Variants in ATP10B observed in about 807,000 individuals in gnomAD.
The protein encoded by ATP10B is phospholipid-transporting ATPase VB.
ATP10B carries 122 observed loss-of-function variants against 141.2 expected under a neutral mutation model. That is an observed-to-expected ratio of 0.86 (90% CI 0.75 to 1.00). ATP10B has a LOEUF of 1.00. Among genes scored for constraint, ATP10B ranks in the 50% least tolerant of loss-of-function variants. The pLI, the probability that ATP10B is intolerant of heterozygous loss-of-function variation, is 0.00. For synonymous variants in ATP10B, 685 were observed against 692.0 expected (o/e 0.99, Z 0.16); for missense variants, 1,876 against 1,825.3 (o/e 1.03, Z -0.51).
At chr5:160,820,096 T>C (rs1003589494) in intron 1 of ATP10B, among the ~76,000 whole-genome samples, 3 of 149,640 alleles carry the variant, frequency 2.0e-5, no homozygotes, top group South Asian at 2.1e-4. Flanking sequence ...AAAAGTTGAT[T>C]TTTTTTGTAA....
At chr5:160,917,982 T>C in the ATP10B span, among the ~76,000 whole-genome samples, 1 of 152,192 alleles carries the variant, frequency 6.6e-6, no homozygotes, top group Non-Finnish European at 1.5e-5. Context: ...GCTAAAGGGC[T>C]GCTCAAGGTT....
intron 24 of ATP10B, among the ~76,000 whole-genome samples, chr5:160,583,115 T>C (rs1341932100): frequency 1.3e-5 from 2 of 152,200 alleles, no homozygotes; most frequent in Non-Finnish European, 2.9e-5. Context: ...CCAGTTTTGT[T>C]CCCTTGCTGG....
chr5:160,645,205 A>G (rs2127681702), intron 8 of ATP10B, among the ~76,000 whole-genome samples: 1 of 151,798 alleles, frequency 6.6e-6, no homozygotes, highest in Admixed American at 6.6e-5. Context: ...CTGTCACTTT[A>G]AAAAACAAAT....
chr5:160,657,952 C>T (rs1330519226), intron 7 of ATP10B, among the ~76,000 whole-genome samples: 5 of 152,174 alleles, frequency 3.3e-5, no homozygotes, highest in African/African-American at 4.8e-5. Context: ...ATTACACAGA[C>T]AAACTTTTCT....
chr5:160,606,836 G>A lies in ATP10B; in HGVS notation c.3089C>T (p.Ser1030Phe). 6.2e-7 allele frequency: 1 copy of A among 1,614,114 alleles called. No individual in the cohort carries two copies. Among genetic ancestry groups the A allele is most frequent in the Non-Finnish European group, 8.5e-7 (1 of 1,180,004 alleles). ...TATCATACTCTTCTGGAGTGGCGTG[G>A]AGCGGCAGCACAGGACGGACCGACA... ...QYCRSVLCCR[S>F]TPLQKSMIVK... Residue 1030 changes from serine to phenylalanine, a missense_variant, in exon 19 of 26, where the codon TCC (serine) becomes TTC (phenylalanine). Physicochemically the swap from Ser to Phe is radical, Grantham distance 155. Transcript: ENST00000327245.
intron 13 of ATP10B, 114 bp from the exon 14 acceptor site, chr5:160,622,699 C>A: frequency 1.0e-6 from 1 of 1,000,666 alleles, no homozygotes; most frequent in Non-Finnish European, 1.5e-6. Context: ...TTGCATCCAG[C>A]ATGTTTTCCT....
the ATP10B span, among the ~76,000 whole-genome samples, chr5:160,921,205 C>G: frequency 0.017 from 2,551 of 151,770 alleles, 76 homozygotes; most frequent in African/African-American, 0.059. Flanking sequence ...CTTGCATATA[C>G]AACCATAAAT....
intron 1 of ATP10B, among the ~76,000 whole-genome samples, chr5:160,833,274 G>A (rs1044560857): frequency 1.3e-5 from 2 of 152,186 alleles, no homozygotes; most frequent in African/African-American, 4.8e-5. Flanking sequence ...GAATACAGGG[G>A]AATCTTGAAA....
chr5:160,785,818 A>T lies in ATP10B; in HGVS notation c.-575-15T>A. On this transcript the variant is annotated splice_polypyrimidine_tract_variant and intron_variant, in intron 1 of 25. Transcript: ENST00000327245. ...TCAAAGGAAGCCTGCACGACACAGG[A>T]CAGAAAAGAAATACAAAATATACAA... 2.5e-6 allele frequency: 1 copy of T among 405,980 alleles called. No individual in the cohort carries two copies. Among genetic ancestry groups the T allele is most frequent in the Non-Finnish European group, 4.1e-6 (1 of 245,002 alleles). The allele number at this position is 405,980 out of a possible 1,614,324, so 25.1% of individuals were successfully genotyped here.
chr5:160,889,987 C>A, the ATP10B span, among the ~76,000 whole-genome samples: 1 of 152,142 alleles, frequency 6.6e-6, no homozygotes, highest in Non-Finnish European at 1.5e-5. Context: ...CTAGTGAATT[C>A]TTTGGAAGAT....
chr5:160,643,487 A>T (rs553122243), intron 9 of ATP10B, among the ~76,000 whole-genome samples: 1 of 152,336 alleles, frequency 6.6e-6, no homozygotes, highest in Admixed American at 6.5e-5. Flanking sequence ...CTAGAGATAC[A>T]GCAGCTCCAA....
chr5:160,902,242 A>C, the ATP10B span, among the ~76,000 whole-genome samples: 1 of 152,202 alleles, frequency 6.6e-6, no homozygotes, highest in Admixed American at 6.5e-5. Flanking sequence ...TAAAAAGAAA[A>C]TTTAGTCTCA....
intron 11 of ATP10B, among the ~76,000 whole-genome samples, chr5:160,635,312 G>C (rs1759279130): frequency 6.6e-6 from 1 of 152,192 alleles, no homozygotes; most frequent in South Asian, 2.1e-4. Context: ...GGCGTTTGGG[G>C]AGTAATAGGG....
chr5:160,720,179 T>C (rs911135438), intron 2 of ATP10B, among the ~76,000 whole-genome samples: 3 of 152,224 alleles, frequency 2.0e-5, no homozygotes, highest in African/African-American at 7.2e-5. Context: ...CTTGGTGTGA[T>C]GTTATGAATT....
chr5:160,895,141 G>A, the ATP10B span, among the ~76,000 whole-genome samples: 2,344 of 152,162 alleles, frequency 0.015, 60 homozygotes, highest in African/African-American at 0.054. Context: ...AAGAAACTGC[G>A]TCAACTCATG....
At chr5:160,909,487 T>C in the ATP10B span, among the ~76,000 whole-genome samples, 51 of 152,306 alleles carry the variant, frequency 3.3e-4, no homozygotes, top group Admixed American at 9.8e-4. Context: ...TGGAGGGCTA[T>C]GAGGCTTTTG....
chr5:160,705,730 T>C (rs1446429152), intron 3 of ATP10B, among the ~76,000 whole-genome samples: 2 of 152,212 alleles, frequency 1.3e-5, no homozygotes, highest in Non-Finnish European at 2.9e-5. Flanking sequence ...CTGTTTTGCT[T>C]TCTTACCATT....
chr5:160,797,818 T>A (rs1772061152), intron 1 of ATP10B, among the ~76,000 whole-genome samples: 1 of 151,912 alleles, frequency 6.6e-6, no homozygotes, highest in South Asian at 2.1e-4. Flanking sequence ...AAGCTGTGCA[T>A]GGTGACACAT....
chr5:160,764,212 C>A (rs1769242953), intron 2 of ATP10B, among the ~76,000 whole-genome samples: 1 of 151,922 alleles, frequency 6.6e-6, no homozygotes, highest in Non-Finnish European at 1.5e-5. Context: ...TTCTATGAAG[C>A]CAGTATTACC....
Sources: gnomAD v4.1 joint callset for allele counts (sites outside exome capture counted in the v4.1 genomes callset) on GRCh38, gnomAD v4.1.1 for gene constraint, MANE v1.5 for transcripts, NCBI Gene and HGNC (gene_info 2026-07-23, HGNC 2026-07-21) for gene names.